TRAK1: variants seen among roughly 807,000 people sequenced by gnomAD.
The protein encoded by TRAK1 is trafficking kinesin protein 1.
In TRAK1, 33 loss-of-function variants were observed where a neutral mutation model predicts 92.1. That is an observed-to-expected ratio of 0.36 (90% CI 0.27 to 0.48). The LOEUF is 0.48. Ranked by LOEUF, TRAK1 falls within the 20% of genes least tolerant of loss-of-function variation. The probability of loss-of-function intolerance (pLI) is 0.99; values close to 1 mark genes in which losing one functional copy is unlikely to be tolerated. For missense variants in TRAK1, 1,123 were observed against 1,257.9 expected, an observed-to-expected ratio of 0.89 and a Z score of 1.62; for synonymous variants, 521 against 517.3, an observed-to-expected ratio of 1.01 and a Z score of -0.10.
intron 1 of TRAK1, among the ~76,000 whole-genome samples, chr3:42,072,808 A>G (rs2148939790): frequency 6.6e-6 from 1 of 152,262 alleles, no homozygotes; most frequent in Admixed American, 6.5e-5. Flanking sequence ...CAAGGTTTAG[A>G]GAAGAGAGAG....
At chr3:42,187,700 CAGA>C (rs1705099543) in intron 4 of TRAK1, among the ~76,000 whole-genome samples, 1 of 152,138 alleles carries the variant, frequency 6.6e-6, no homozygotes, top group South Asian at 2.1e-4. Context: ...CTCCTGACTT[CAGA>C]TGATCTGCCT....
chr3:42,091,218 A>G (rs1705018706), upstream of TRAK1: 1 of 476,118 alleles, frequency 2.1e-6, no homozygotes, highest in Non-Finnish European at 3.7e-6. Context: ...GAGGTATCAC[A>G]TTTTTGGGTG....
chr3:42,141,954 G>C (rs1024097960), intron 2 of TRAK1, among the ~76,000 whole-genome samples: 17 of 152,132 alleles, frequency 1.1e-4, no homozygotes, highest in African/African-American at 4.1e-4. Flanking sequence ...TGGCTAACAT[G>C]ACGAAAACCT....
rs564474425 is a variant in TRAK1, at chr3:42,054,606, T to C, written c.-518-32498T>C. The stretch of plus-strand genomic sequence containing the variant: ...ATTCCATTGGAAGACTCAGCTGTTT[T>C]CTATAAAAACAGCCTTCTCCTCTTT... On this transcript the variant is annotated intron_variant, in intron 1 of 16. Transcript: ENST00000487159. Among the ~76,000 whole-genome samples, 4 of 152,314 alleles carry C rather than the reference T, an allele frequency of 2.6e-5. No individual in the cohort carries two copies. In the East Asian group the frequency reaches 7.7e-4, roughly 29 times the overall value.
intron 1 of TRAK1, among the ~76,000 whole-genome samples, chr3:42,074,772 A>G (rs1414158733): frequency 6.6e-6 from 1 of 150,776 alleles, no homozygotes; most frequent in African/African-American, 2.4e-5. Flanking sequence ...GGATTGGTGT[A>G]CAGATAATTT....
intron 1 of TRAK1, among the ~76,000 whole-genome samples, chr3:42,097,838 A>ACAGAC (rs1706161914): frequency 6.6e-6 from 1 of 152,162 alleles, no homozygotes; most frequent in Non-Finnish European, 1.5e-5. Flanking sequence ...GCCTTAGAAA[A>ACAGAC]CAGACCAAAC....
intron 1 of TRAK1, among the ~76,000 whole-genome samples, chr3:42,054,356 A>G (rs917000626): frequency 1.3e-5 from 2 of 152,180 alleles, no homozygotes; most frequent in African/African-American, 4.8e-5. Flanking sequence ...CCTGGTAGGC[A>G]GAGGCAAGGA....
rs77632164 is a variant in TRAK1, at chr3:42,129,294, C to T, written c.286+3680C>T. The stretch of plus-strand genomic sequence containing the variant: ...CTGCATCGATTAGGGCAGAGGTTCT[C>T]GGTTGTGGGCGGGCATGGGGATAAG... On this transcript the variant is annotated intron_variant, in intron 2 of 15. Coordinates refer to ENST00000327628, the MANE Select transcript of TRAK1 (RefSeq NM_001042646.3). 6.0e-3 allele frequency among the ~76,000 whole-genome samples: 916 copies of T among 152,144 alleles called. 33 individuals carry two copies. In the East Asian group the frequency reaches 0.11, roughly 18 times the overall value.
At chr3:42,221,477 G>A (rs1296070211) in intron 15 of TRAK1, among the ~76,000 whole-genome samples, 5 of 152,158 alleles carry the variant, frequency 3.3e-5, no homozygotes, top group African/African-American at 9.7e-5. Flanking sequence ...TTTGAACCTC[G>A]TGTTTCCCAC....
intron 1 of TRAK1, among the ~76,000 whole-genome samples, chr3:42,032,803 G>C (rs1407056715): frequency 6.6e-6 from 1 of 152,130 alleles, no homozygotes; most frequent in Non-Finnish European, 1.5e-5. Flanking sequence ...CGTGCCTGTC[G>C]TTCCAGCTAC....
chr3:42,067,070 C>T (rs576430164), intron 1 of TRAK1, among the ~76,000 whole-genome samples: 2 of 152,304 alleles, frequency 1.3e-5, no homozygotes, highest in East Asian at 1.9e-4. Flanking sequence ...AAAATTTGAG[C>T]TGTCGTTTCC....
chr3:42,074,256 A>G (rs1704054575), intron 1 of TRAK1, among the ~76,000 whole-genome samples: 1 of 152,232 alleles, frequency 6.6e-6, no homozygotes, highest in East Asian at 1.9e-4. Flanking sequence ...TAAGCCTTAA[A>G]CAGGGTCATG....
intron 1 of TRAK1, among the ~76,000 whole-genome samples, chr3:42,102,993 T>C (rs1326055466): frequency 2.0e-5 from 3 of 152,192 alleles, no homozygotes; most frequent in African/African-American, 7.2e-5. Flanking sequence ...ATACAGTTCA[T>C]CCATATAAAG....
upstream of TRAK1, among the ~76,000 whole-genome samples, chr3:42,089,834 A>C: frequency 6.6e-6 from 1 of 152,102 alleles, no homozygotes; most frequent in Non-Finnish European, 1.5e-5. Flanking sequence ...CTCTGTGTCT[A>C]CTTTGCACAC....
intron 1 of TRAK1, among the ~76,000 whole-genome samples, chr3:42,059,567 C>CGAGGA (rs571541186): frequency 4.7e-4 from 71 of 152,226 alleles, no homozygotes; most frequent in African/African-American, 1.6e-3. Flanking sequence ...CTCGTGGACA[C>CGAGGA]TTCTGTGCAT....
chr3:42,041,749 T>A (rs1377080573), intron 1 of TRAK1, among the ~76,000 whole-genome samples: 4 of 152,028 alleles, frequency 2.6e-5, no homozygotes, highest in Non-Finnish European at 4.4e-5. Context: ...ATAGATACAC[T>A]GTATTGGGTT....
intron 1 of TRAK1, among the ~76,000 whole-genome samples, chr3:42,082,087 TG>T (rs1346641489): frequency 6.6e-6 from 1 of 152,212 alleles, no homozygotes; most frequent in African/African-American, 2.4e-5. Flanking sequence ...CTCCAAATTT[TG>T]TTTTTTTCAG....
chr3:42,222,821 G>A, intron 15 of TRAK1, 121 bp from the exon 16 acceptor site: 6 of 1,021,336 alleles, frequency 5.9e-6, no homozygotes, highest in East Asian at 2.4e-5. Flanking sequence ...GGCCTCAGCT[G>A]GTGGAACCCT....
At chr3:42,119,411 G>A (rs1049350731) in intron 1 of TRAK1, among the ~76,000 whole-genome samples, 6 of 152,216 alleles carry the variant, frequency 3.9e-5, no homozygotes, top group African/African-American at 1.4e-4. Context: ...TATGCCTTAA[G>A]TGAAGGGAAA....
Sources: allele counts gnomAD v4.1 joint callset (sites outside exome capture counted in the v4.1 genomes callset), GRCh38; gene constraint gnomAD v4.1.1; transcripts MANE v1.5; gene names NCBI Gene and HGNC (gene_info 2026-07-23, HGNC 2026-07-21).